PRRC2B: variants seen among roughly 807,000 people sequenced by gnomAD.
The protein encoded by PRRC2B is proline rich coiled-coil 2B, also known as protein PRRC2B.
A neutral mutation model predicts 242.3 loss-of-function variants in PRRC2B; 68 were observed. The ratio of observed to expected loss-of-function variants is 0.28; its 90% confidence interval spans 0.23 to 0.34. The LOEUF (loss-of-function observed/expected upper bound fraction) is 0.34. Ranked by LOEUF, PRRC2B falls within the 10% of genes least tolerant of loss-of-function variation. The probability of loss-of-function intolerance (pLI) is 1.00; values close to 1 mark genes in which losing one functional copy is unlikely to be tolerated. For synonymous variants in PRRC2B, 1,228 were observed against 1,173.6 expected (o/e 1.05, Z -0.95); for missense variants, 2,835 against 2,954.8 (o/e 0.96, Z 0.94).
At chr9:131,427,512 A>G (rs955938981) in intron 1 of PRRC2B, among the ~76,000 whole-genome samples, 1 of 152,124 alleles carries the variant, frequency 6.6e-6, no homozygotes, top group African/African-American at 2.4e-5. Flanking sequence ...TTGTATTTTT[A>G]GTAGAGAAGG....
intron 5 of PRRC2B, among the ~76,000 whole-genome samples, chr9:131,442,806 T>C (rs1338136039): frequency 6.6e-6 from 1 of 152,348 alleles, no homozygotes; most frequent in African/African-American, 2.4e-5. Context: ...AGACGTGCCA[T>C]TTTTAATCTG....
At chr9:131,378,310 A>C (rs1031003083) in intron 1 of PRRC2B, among the ~76,000 whole-genome samples, 17 of 117,362 alleles carry the variant, frequency 1.4e-4, no homozygotes, top group African/African-American at 4.3e-4. Context: ...ACTCTGTCTC[A>C]AAAAAAAAAA....
chr9:131,407,724 G>A (rs184019191), intron 1 of PRRC2B, among the ~76,000 whole-genome samples: 4 of 152,186 alleles, frequency 2.6e-5, no homozygotes, highest in South Asian at 2.1e-4. Flanking sequence ...CCTTTGTCTC[G>A]GCTGAGTTGA....
intron 1 of PRRC2B, among the ~76,000 whole-genome samples, chr9:131,411,897 C>A (rs928426166): frequency 6.6e-6 from 1 of 152,224 alleles, no homozygotes; most frequent in South Asian, 2.1e-4. Flanking sequence ...TACTGCAACC[C>A]CAAACTCCTG....
At chr9:131,473,320 TG>T (rs1943595260) in intron 14 of PRRC2B, among the ~76,000 whole-genome samples, 187 bp from the exon 15 acceptor site, 1 of 152,126 alleles carries the variant, frequency 6.6e-6, no homozygotes, top group Non-Finnish European at 1.5e-5. Flanking sequence ...GCAGGGTGCA[TG>T]TGTGTGTGCC....
chr9:131,467,495 T>G (rs1943430629), intron 12 of PRRC2B, 68 bp from the exon 13 acceptor site: 3 of 1,361,330 alleles, frequency 2.2e-6, no homozygotes, highest in Non-Finnish European at 2.0e-6. Flanking sequence ...AGTACTTGTT[T>G]GTAAACACTT....
At position 131,376,772 on chromosome 9, in the gene PRRC2B, T is replaced by C. The variant is rs965982453; in HGVS notation, c.-56+3041T>C. On this transcript the variant is annotated intron_variant, in intron 1 of 1. Transcript: ENST00000682525. The stretch of plus-strand genomic sequence containing the variant: ...CTATAATCCCAGCTACTCAGGAGCC[T>C]GACACGGGAAGATCACTTGAGGCCA... Among the ~76,000 whole-genome samples the C allele has an allele frequency of 7.9e-5, 12 of 152,142 alleles. No individual in the cohort carries two copies. The East Asian group carries it at 2.3e-3, about 29-fold the overall frequency.
At chr9:131,388,187 A>T (rs1189180719) in intron 1 of PRRC2B, among the ~76,000 whole-genome samples, 1 of 104,482 alleles carries the variant, frequency 9.6e-6, no homozygotes, top group Non-Finnish European at 1.9e-5. Flanking sequence ...GACGCTGTCT[A>T]AAAAAAAAAA....
chr9:131,424,031 G>T (rs1013284989), intron 1 of PRRC2B, among the ~76,000 whole-genome samples: 1 of 152,064 alleles, frequency 6.6e-6, no homozygotes, highest in Non-Finnish European at 1.5e-5. Context: ...CACCTCCCAG[G>T]CTCAAGCAGT....
intron 1 of PRRC2B, among the ~76,000 whole-genome samples, chr9:131,410,787 A>G (rs1032850034): frequency 1.3e-5 from 2 of 152,076 alleles, no homozygotes; most frequent in Non-Finnish European, 2.9e-5. Flanking sequence ...ATGCAATTTT[A>G]TGCAGATGTA....
chr9:131,395,505 T>C (rs958312856), intron 1 of PRRC2B, among the ~76,000 whole-genome samples: 12 of 152,208 alleles, frequency 7.9e-5, no homozygotes, highest in African/African-American at 2.9e-4. Flanking sequence ...TGGGGCTGTC[T>C]GAGGCTTCAT....
chr9:131,427,504 G>C (rs559687772), intron 1 of PRRC2B, among the ~76,000 whole-genome samples: 1 of 152,144 alleles, frequency 6.6e-6, no homozygotes, highest in South Asian at 2.1e-4. Flanking sequence ...CTAATTTTTT[G>C]TATTTTTAGT....
intron 1 of PRRC2B, among the ~76,000 whole-genome samples, chr9:131,402,849 C>T (rs928673860): frequency 1.3e-5 from 2 of 152,186 alleles, no homozygotes; most frequent in Non-Finnish European, 2.9e-5. Context: ...CCAGAGAGTG[C>T]CGAGGCCCTT....
chr9:131,486,242 G>A (rs1053276775), intron 26 of PRRC2B, 60 bp downstream of exon 26: 27 of 1,113,546 alleles, frequency 2.4e-5, no homozygotes, highest in Middle Eastern at 3.9e-4. Flanking sequence ...AGTGCAGGGC[G>A]GAATTGGCTT....
chr9:131,420,493 C>CGTTCGTTCGTTCGTTCG (rs1554758635), intron 1 of PRRC2B, among the ~76,000 whole-genome samples: 1 of 30,164 alleles, frequency 3.3e-5, no homozygotes, highest in African/African-American at 1.1e-4. Context: ...TTCTTTCTTT[C>CGTTCGTTCGTTCGTTCG]TTTTTTTTTT....
chr9:131,414,282 C>G (rs566023460), intron 1 of PRRC2B, among the ~76,000 whole-genome samples: 2 of 150,558 alleles, frequency 1.3e-5, no homozygotes, highest in South Asian at 2.1e-4. Context: ...TAGATGTAAA[C>G]ATGAAAGATA....
At chr9:131,444,894 G>A (rs762835574) in intron 6 of PRRC2B, among the ~76,000 whole-genome samples, 9 of 152,184 alleles carry the variant, frequency 5.9e-5, no homozygotes, top group Non-Finnish European at 1.0e-4. Flanking sequence ...CTTGGAAGCC[G>A]AGGGTGGCTG....
intron 11 of PRRC2B, among the ~76,000 whole-genome samples, chr9:131,464,231 T>C (rs948113527): frequency 1.3e-5 from 2 of 152,216 alleles, no homozygotes; most frequent in African/African-American, 4.8e-5. Flanking sequence ...CGTGAGCCAC[T>C]GCGCCCAGCC....
At chr9:131,467,273 T>G (rs527749060) in intron 12 of PRRC2B, among the ~76,000 whole-genome samples, 1 of 152,276 alleles carries the variant, frequency 6.6e-6, no homozygotes, top group Non-Finnish European at 1.5e-5. Context: ...CCACCTGAAG[T>G]CACATCTCAG....
Sources: gnomAD v4.1 joint callset for allele counts (sites outside exome capture counted in the v4.1 genomes callset) on GRCh38, gnomAD v4.1.1 for gene constraint, MANE v1.5 for transcripts, NCBI Gene and HGNC (gene_info 2026-07-23, HGNC 2026-07-21) for gene names.